Variants in SLC35F1 observed in about 807,000 individuals in gnomAD.
SLC35F1 encodes chromosome 6 open reading frame 169.
Under a neutral mutation model 48.7 loss-of-function variants are expected in SLC35F1, and 14 were observed. The ratio of observed to expected loss-of-function variants is 0.29; its 90% CI spans 0.19 to 0.45. The LOEUF (loss-of-function observed/expected upper bound fraction) is 0.45. Among genes scored for constraint, SLC35F1 ranks in the 20% least tolerant of loss-of-function variants. The probability of loss-of-function intolerance (pLI) is 1.00; values close to 1 mark genes in which losing one functional copy is unlikely to be tolerated. For synonymous variants in SLC35F1, 190 were observed against 202.2 expected (o/e 0.94, Z 0.51); for missense variants, 404 against 500.0 (o/e 0.81, Z 1.83).
intron 1 of SLC35F1, among the ~76,000 whole-genome samples, chr6:117,934,802 T>C (rs981299608): frequency 6.6e-6 from 1 of 152,200 alleles, no homozygotes; most frequent in African/African-American, 2.4e-5. Flanking sequence ...GTTAGAGCCC[T>C]CTGGTGTGAA....
intron 1 of SLC35F1, among the ~76,000 whole-genome samples, chr6:118,126,537 T>C (rs187464170): frequency 0.012 from 1,886 of 151,862 alleles, 35 homozygotes; most frequent in African/African-American, 0.042. Context: ...GGTAGCTTGA[T>C]GGGGATGGCA....
At chr6:117,921,660 G>GAA (rs1775901153) in intron 1 of SLC35F1, among the ~76,000 whole-genome samples, 1 of 152,170 alleles carries the variant, frequency 6.6e-6, no homozygotes, top group Non-Finnish European at 1.5e-5. Context: ...ACTAGTTTTA[G>GAA]AAAATTGATC....
At chr6:117,999,568 G>T in intron 1 of SLC35F1, 1 of 430,026 alleles carries the variant, frequency 2.3e-6, no homozygotes, top group Non-Finnish European at 4.0e-6. Context: ...CCTGAGGCAG[G>T]AAAAAAAAAA....
At chr6:118,176,626 T>C (rs1396149570) in intron 2 of SLC35F1, among the ~76,000 whole-genome samples, 1 of 152,180 alleles carries the variant, frequency 6.6e-6, no homozygotes, top group African/African-American at 2.4e-5. Flanking sequence ...TTTTGGTATA[T>C]ATATTTACGT....
intron 3 of SLC35F1, among the ~76,000 whole-genome samples, chr6:118,242,405 A>G (rs958581522): frequency 5.3e-5 from 8 of 152,238 alleles, no homozygotes; most frequent in African/African-American, 1.9e-4. Context: ...GGCAAAAATG[A>G]TAACATTTAT....
intron 1 of SLC35F1, among the ~76,000 whole-genome samples, chr6:118,076,782 G>A (rs116774160): frequency 0.021 from 3,216 of 152,204 alleles, 73 homozygotes; most frequent in African/African-American, 0.052. Flanking sequence ...TATACTGAAT[G>A]ATTCCATACA....
chr6:117,950,127 T>C (rs191428049), intron 1 of SLC35F1, among the ~76,000 whole-genome samples: 1 of 152,306 alleles, frequency 6.6e-6, no homozygotes, highest in East Asian at 1.9e-4. Context: ...TTTCTGGCCG[T>C]GGATTATTCA....
chr6:117,999,165 C>G (rs916245005), intron 1 of SLC35F1: 1 of 1,593,810 alleles, frequency 6.3e-7, no homozygotes, highest in African/African-American at 1.3e-5. Context: ...AATGCCAAGG[C>G]CATGAGTGCA....
chr6:118,067,641 G>T (rs796285193), intron 1 of SLC35F1, among the ~76,000 whole-genome samples: 59 of 152,316 alleles, frequency 3.9e-4, no homozygotes, highest in African/African-American at 1.4e-3. Context: ...TGGAATAAAG[G>T]CTAAAGACAG....
rs61259570 is a variant in SLC35F1 at position 118,020,840 on chromosome 6, G to A, written c.173+112941G>A. On this transcript the variant is annotated intron_variant, in intron 1 of 7. Coordinates refer to ENST00000360388, the MANE Select transcript of SLC35F1 (RefSeq NM_001029858.4). ...TGGAATGTTTTTGACTATAGGAGCA[G>A]GGTGAATATGACTGAGCACTTTGTA... Among the ~76,000 whole-genome samples the A allele has an allele frequency of 5.0e-3, 755 of 152,270 alleles. 8 individuals carry two copies. Among genetic ancestry groups the A allele is most frequent in the African/African-American group, 0.016 (673 of 41,556 alleles).
intron 2 of SLC35F1, among the ~76,000 whole-genome samples, chr6:118,229,386 G>C (rs1775260109): frequency 6.6e-6 from 1 of 152,156 alleles, no homozygotes; most frequent in Non-Finnish European, 1.5e-5. Flanking sequence ...TCAGAGCTGA[G>C]GGCTGGCAAC....
intron 1 of SLC35F1, among the ~76,000 whole-genome samples, chr6:118,100,075 C>G (rs1359430099): frequency 6.6e-6 from 1 of 152,072 alleles, no homozygotes; most frequent in East Asian, 1.9e-4. Flanking sequence ...TATTATTATA[C>G]TCTCTTTATA....
chr6:118,044,958 G>A (rs1772279537), intron 1 of SLC35F1, among the ~76,000 whole-genome samples: 2 of 152,144 alleles, frequency 1.3e-5, no homozygotes, highest in Admixed American at 1.3e-4. Context: ...CACTCTTCCT[G>A]TGATAATTTT....
At chr6:117,935,174 C>G (rs752589911) in intron 1 of SLC35F1, among the ~76,000 whole-genome samples, 12 of 152,142 alleles carry the variant, frequency 7.9e-5, no homozygotes, top group Non-Finnish European at 1.3e-4. Flanking sequence ...AAATTCTACA[C>G]CAAGAAAACC....
At chr6:118,060,284 C>T (rs964803700) in intron 1 of SLC35F1, among the ~76,000 whole-genome samples, 1 of 152,110 alleles carries the variant, frequency 6.6e-6, no homozygotes, top group Non-Finnish European at 1.5e-5. Flanking sequence ...CTTTAATCTA[C>T]AAAGTATTAT....
intron 1 of SLC35F1, among the ~76,000 whole-genome samples, chr6:118,148,576 T>C (rs1774009632): frequency 6.6e-6 from 1 of 152,212 alleles, no homozygotes; most frequent in Admixed American, 6.5e-5. Context: ...TTTTTCATTG[T>C]CTAGTCATTC....
intron 2 of SLC35F1, among the ~76,000 whole-genome samples, chr6:118,193,473 T>A (rs1774759689): frequency 6.6e-6 from 1 of 152,090 alleles, no homozygotes; most frequent in African/African-American, 2.4e-5. Context: ...TGTTCAAACT[T>A]TTAGCTTTAT....
intron 1 of SLC35F1, among the ~76,000 whole-genome samples, chr6:118,057,388 C>T (rs113632940): frequency 0.015 from 2,211 of 152,174 alleles, 61 homozygotes; most frequent in African/African-American, 0.05. Context: ...CTTCTGATGG[C>T]CACAGTGACC....
intron 1 of SLC35F1, among the ~76,000 whole-genome samples, chr6:117,918,901 ATTT>A (rs201226637): frequency 6.7e-6 from 1 of 149,878 alleles, no homozygotes; most frequent in African/African-American, 2.5e-5. Context: ...TTTTAAAATA[ATTT>A]TTTTTTTAAG....
Sources: gnomAD v4.1 joint callset for allele counts (sites outside exome capture counted in the v4.1 genomes callset) on GRCh38, gnomAD v4.1.1 for gene constraint, MANE v1.5 for transcripts, NCBI Gene and HGNC (gene_info 2026-07-23, HGNC 2026-07-21) for gene names.